TRIM2: variants seen among roughly 807,000 people sequenced by gnomAD.
The protein encoded by TRIM2 is tripartite motif-containing protein 2.
TRIM2 carries 20 observed loss-of-function variants against 75.2 expected under a neutral mutation model. The observed-to-expected ratio is 0.27, with a 90% CI of 0.19 to 0.39. TRIM2 has a LOEUF of 0.39. Among genes scored for constraint, TRIM2 ranks in the 10% least tolerant of loss-of-function variants. TRIM2 has a pLI of 1.00. For missense variants in TRIM2, 660 were observed against 990.8 expected, an observed-to-expected ratio of 0.67 and a Z score of 4.48; for synonymous variants, 373 against 388.3, an observed-to-expected ratio of 0.96 and a Z score of 0.46.
Position 153,273,331 on chromosome 4 carries a change from C to T in TRIM2, c.216-2562C>T, listed in dbSNP as rs371484443. ...CGCTCTGCCGCCCGGGCTGGAGTGC[C>T]GTGGCGCGATCTCGGCTCACTGCAA... On this transcript the variant is annotated intron_variant, in intron 2 of 11. Coordinates refer to ENST00000338700, the MANE Select transcript of TRIM2 (RefSeq NM_015271.5). Among the ~76,000 whole-genome samples, 5 of 139,112 alleles carry T rather than the reference C, an allele frequency of 3.6e-5. No individual in the cohort carries two copies. In the South Asian group the frequency reaches 9.3e-4, roughly 26 times the overall value. The allele number at this position is 139,112 out of a possible 152,430, so 91.3% of individuals were successfully genotyped here. A position where few individuals can be genotyped will look rare whatever the true frequency, so the allele number is the denominator to read the frequency against.
chr4:153,162,319 G>A (rs1399967479), intron 1 of TRIM2, among the ~76,000 whole-genome samples: 1 of 152,172 alleles, frequency 6.6e-6, no homozygotes, highest in Non-Finnish European at 1.5e-5. Flanking sequence ...TGATTATGGA[G>A]ATAGACAAGT....
rs1161015382 is a variant in TRIM2, at chr4:153,171,660, C to G, written c.-49+18390C>G. 2.7e-5 allele frequency among the ~76,000 whole-genome samples: 4 copies of G among 147,400 alleles called. No individual in the cohort carries two copies. In the Admixed American group the frequency reaches 2.7e-4, roughly 10 times the overall value. The stretch of plus-strand genomic sequence containing the variant: ...TAATGGAAAAAAAAGATAGTACGTC[C>G]TGGTTTAAGGGCTTCAGTGACATTT... On this transcript the variant is annotated intron_variant, in intron 1 of 11. Transcript: ENST00000437508.
chr4:153,294,558 T>G, intron 5 of TRIM2, 73 bp downstream of exon 5: 2 of 1,476,374 alleles, frequency 1.4e-6, no homozygotes, highest in Non-Finnish European at 1.8e-6. Flanking sequence ...TGTTTCCTAA[T>G]AGCAACAAGG....
chr4:153,184,272 G>A (rs958976153), intron 1 of TRIM2, among the ~76,000 whole-genome samples: 1 of 152,108 alleles, frequency 6.6e-6, no homozygotes, highest in Admixed American at 6.5e-5. Flanking sequence ...TTCCTGATGA[G>A]GGCTCATTTC....
chr4:153,257,133 C>G (rs2149960208), intron 1 of TRIM2, among the ~76,000 whole-genome samples: 1 of 152,324 alleles, frequency 6.6e-6, no homozygotes, highest in East Asian at 1.9e-4. Context: ...TGCGTCCCAG[C>G]ACTCCCTTCG....
At chr4:153,235,374 T>C (rs1325577259) in intron 1 of TRIM2, among the ~76,000 whole-genome samples, 1 of 151,898 alleles carries the variant, frequency 6.6e-6, no homozygotes. Context: ...AGCCTTGACC[T>C]CCCGAGCTCA....
At position 153,339,262 on chromosome 4, in the gene TRIM2, T is replaced by G. The variant is rs1021652429; in HGVS notation, c.*4296T>G. The G allele has an allele frequency of 2.8e-5, 25 of 895,946 alleles. 1 individual carries two copies. The South Asian group carries it at 8.7e-4, about 31-fold the overall frequency. The allele number at this position is 895,946 out of a possible 1,614,324, so 55.5% of individuals were successfully genotyped here. On this transcript the variant is annotated 3_prime_UTR_variant, in exon 12 of 12. Coordinates refer to ENST00000338700, the MANE Select transcript of TRIM2 (RefSeq NM_015271.5). ...ACATAGGAGAAACAGGATTCATGTG[T>G]ATCTCTTTACCATGCACAAAATCTC...
chr4:153,263,873 C>T (rs1754233987), intron 1 of TRIM2, among the ~76,000 whole-genome samples: 1 of 152,160 alleles, frequency 6.6e-6, no homozygotes, highest in Admixed American at 6.5e-5. Flanking sequence ...CTTATCTCCT[C>T]TTACAGGGGC....
rs7660802 is a variant in TRIM2, at chr4:153,210,920, T to C, written c.30+6360T>C. ...TGACAAGATCTGAAAAAAGCAGCCC[T>C]CTTCCCACACTCAACACATGCAGTA... is the stretch of plus-strand genomic sequence containing the variant. On this transcript the variant is annotated intron_variant, in intron 1 of 11. Coordinates refer to ENST00000338700, the MANE Select transcript of TRIM2 (RefSeq NM_015271.5). Among the ~76,000 whole-genome samples, 1,239 of 152,246 alleles carry C rather than the reference T, an allele frequency of 8.1e-3. 13 individuals are homozygous for C. The highest frequency in any genetic ancestry group is 0.028 in the African/African-American group (1,181 of 41,532).
chr4:153,294,753 G>A lies in TRIM2; in HGVS notation c.786+268G>A, dbSNP rs1011130389. On this transcript the variant is annotated intron_variant, in intron 5 of 11. Transcript: ENST00000338700. The stretch of plus-strand genomic sequence containing the variant: ...TTAGCATTTAGAGTTAAACTGGATT[G>A]TTTTCATTCCTCAGTTATAACATGA... Among the ~76,000 whole-genome samples, 3 of 152,176 alleles carry A rather than the reference G, an allele frequency of 2.0e-5. No individual in the cohort carries two copies. In the South Asian group the frequency reaches 6.2e-4, roughly 32 times the overall value.
chr4:153,179,868 T>C (rs907819327), intron 1 of TRIM2, among the ~76,000 whole-genome samples: 1 of 152,166 alleles, frequency 6.6e-6, no homozygotes, highest in African/African-American at 2.4e-5. Context: ...TATTTAGATA[T>C]CCAGCCACTG....
intron 6 of TRIM2, among the ~76,000 whole-genome samples, chr4:153,298,424 C>T (rs1194740737): frequency 1.3e-5 from 2 of 152,160 alleles, no homozygotes; most frequent in African/African-American, 4.8e-5. Context: ...ACCTTCTTGC[C>T]TCTTTGTCCT....
chr4:153,262,226 GTGGAAGAC>G (rs1753758593), intron 1 of TRIM2, among the ~76,000 whole-genome samples: 1 of 152,218 alleles, frequency 6.6e-6, no homozygotes, highest in Non-Finnish European at 1.5e-5. Flanking sequence ...AACCAGCTAA[GTGGAAGAC>G]TGGACTTTAT....
At chr4:153,303,310 A>AT (rs201760600) in intron 6 of TRIM2, among the ~76,000 whole-genome samples, 8,042 of 141,082 alleles carry the variant, frequency 0.057, 289 homozygotes, top group Non-Finnish European at 0.08. Flanking sequence ...CTAAAAAAAA[A>AT]AAATATATAA....
chr4:153,322,875 A>T (rs1769319161), intron 9 of TRIM2, 59 bp downstream of exon 9: 1 of 1,598,874 alleles, frequency 6.3e-7, no homozygotes, highest in South Asian at 1.1e-5. Flanking sequence ...TCACATTTGC[A>T]TGATGTTGGA....
chr4:153,303,060 C>T (rs1483565733), intron 6 of TRIM2, among the ~76,000 whole-genome samples: 2 of 152,224 alleles, frequency 1.3e-5, no homozygotes, highest in East Asian at 3.8e-4. Flanking sequence ...TTCACATTCA[C>T]ACGCATGGGA....
At chr4:153,324,509 T>TA (rs953712563) in intron 10 of TRIM2, 648 of 203,220 alleles carry the variant, frequency 3.2e-3, no homozygotes, top group South Asian at 8.4e-3. Flanking sequence ...ATCTTTTTGT[T>TA]AAAAAAAAAA....
In TRIM2 at chr4:153,307,742, C is replaced by T. The variant is rs144614994; in HGVS notation, c.1511-7743C>T. The T allele has an allele frequency of 2.7e-3, 1,686 of 636,016 alleles. 21 individuals carry two copies. Among genetic ancestry groups the T allele is most frequent in the African/African-American group, 0.023 (1,287 of 55,712 alleles). 39.4% of individuals were successfully genotyped at this position (636,016 alleles called of 1,614,324 possible). A position where few individuals can be genotyped will look rare whatever the true frequency, so the allele number is the denominator to read the frequency against. ...AAGCATGGGGAGCACCATTTCTGGA[C>T]GCTCGTGCTGTGTCGGACTTCAGCC... On this transcript the variant is annotated intron_variant, in intron 6 of 11. Transcript: ENST00000338700.
intron 1 of TRIM2, among the ~76,000 whole-genome samples, chr4:153,198,818 G>A (rs191445540): frequency 1.3e-5 from 2 of 152,316 alleles, no homozygotes; most frequent in Admixed American, 1.3e-4. Flanking sequence ...TGGCTCTTTA[G>A]AAGGGTTTGG....
Sources: gnomAD v4.1 joint callset for allele counts (sites outside exome capture counted in the v4.1 genomes callset) on GRCh38, gnomAD v4.1.1 for gene constraint, MANE v1.5 for transcripts, NCBI Gene and HGNC (gene_info 2026-07-23, HGNC 2026-07-21) for gene names.